Variants in CROT observed in about 807,000 individuals in gnomAD.
CROT encodes peroxisomal carnitine O-octanoyltransferase.
A neutral mutation model predicts 89.2 loss-of-function variants in CROT; 84 were observed. The ratio of observed to expected loss-of-function variants is 0.94; its 90% CI spans 0.79 to 1.13. The LOEUF (loss-of-function observed/expected upper bound fraction) is 1.13. Ranked by LOEUF, CROT falls within the 50% of genes most tolerant of loss-of-function variation. The pLI is 0.00. For missense variants in CROT, 711 were observed against 727.8 expected (o/e 0.98, Z 0.27); for synonymous variants, 212 against 239.5 (o/e 0.89, Z 1.06).
intron 13 of CROT, among the ~76,000 whole-genome samples, chr7:87,385,430 G>T (rs1229326924): frequency 1.3e-5 from 2 of 151,754 alleles, no homozygotes; most frequent in Non-Finnish European, 2.9e-5. Context: ...TGATTCCTAG[G>T]TATTTTATAT....
Position 87,372,939 on chromosome 7 carries a change from A to G in CROT, c.657-2693A>G, listed in dbSNP as rs1467095248. 2.0e-5 allele frequency among the ~76,000 whole-genome samples: 3 copies of G among 152,110 alleles called. No homozygotes were observed. The East Asian group carries it at 5.8e-4, about 29-fold the overall frequency. ...AATTATTCATAATGCTGCCGTGACTATTGTATACAGGTTTTCATGTAAACA... is the reference window on the plus strand; with the variant it reads ...AATTATTCATAATGCTGCCGTGACTGTTGTATACAGGTTTTCATGTAAACA... On this transcript the variant is annotated intron_variant, in intron 7 of 17. Coordinates refer to ENST00000331536, the MANE Select transcript of CROT (RefSeq NM_021151.4).
Position 87,398,699 on chromosome 7 carries a change from G to A in CROT, c.*55G>A. ...AACATATCATTAAACTGAGTGCTGG[G>A]AGTGAGTTGGTAATATGAGATGGGA... On this transcript the variant is annotated 3_prime_UTR_variant, in exon 18 of 18. Transcript: ENST00000331536. 6.5e-7 allele frequency: 1 copy of A among 1,547,700 alleles called. No homozygotes were observed.
chr7:87,397,486 G>T (rs1332752300), intron 17 of CROT, among the ~76,000 whole-genome samples: 1 of 152,178 alleles, frequency 6.6e-6, no homozygotes, highest in African/African-American at 2.4e-5. Context: ...TGTAGGAAAG[G>T]CTGTTCTTTA....
At chr7:87,380,493 C>G (rs1378343338) in intron 10 of CROT, among the ~76,000 whole-genome samples, 1 of 103,244 alleles carries the variant, frequency 9.7e-6, no homozygotes, top group Non-Finnish European at 2.3e-5. Flanking sequence ...AATTAGAAAG[C>G]AAAGTAACTT....
intron 3 of CROT, among the ~76,000 whole-genome samples, chr7:87,349,525 T>A (rs534951174): frequency 2.0e-4 from 31 of 152,260 alleles, no homozygotes; most frequent in South Asian, 2.1e-4. Context: ...AAGAAAACAA[T>A]CCTTGACATT....
intron 4 of CROT, chr7:87,360,068 A>T (rs1806222493): frequency 2.0e-6 from 2 of 975,846 alleles, no homozygotes; most frequent in South Asian, 4.7e-5. Context: ...CTTTGTTCTC[A>T]ATTTTGAGCC....
At chr7:87,365,671 G>A (rs1250444431) in intron 6 of CROT, among the ~76,000 whole-genome samples, 1 of 145,568 alleles carries the variant, frequency 6.9e-6, no homozygotes, top group African/African-American at 2.5e-5. Context: ...GCTGTGGTGT[G>A]ATCACAGCTC....
At chr7:87,354,012 C>T (rs112796991) in intron 3 of CROT, among the ~76,000 whole-genome samples, 6,193 of 152,236 alleles carry the variant, frequency 0.041, 178 homozygotes, top group Middle Eastern at 0.071. Context: ...TTTAATAAAT[C>T]CCAGCAATAA....
intron 12 of CROT, 46 bp from the exon 13 acceptor site, chr7:87,382,367 C>T (rs1213511387): frequency 6.3e-7 from 1 of 1,593,956 alleles, no homozygotes; most frequent in African/African-American, 1.3e-5. Flanking sequence ...TTGGTGTATT[C>T]TCCTTAGGTG....
chr7:87,387,503 T>A (rs1807219401), intron 13 of CROT, among the ~76,000 whole-genome samples: 1 of 151,750 alleles, frequency 6.6e-6, no homozygotes, highest in Non-Finnish European at 1.5e-5. Flanking sequence ...ATCATGGAGG[T>A]TAGGGGTCCC....
intron 13 of CROT, among the ~76,000 whole-genome samples, chr7:87,382,887 C>G (rs1807067271): frequency 6.6e-6 from 1 of 152,152 alleles, no homozygotes; most frequent in Non-Finnish European, 1.5e-5. Flanking sequence ...ATTATCCAGC[C>G]TTTACTCATT....
In CROT at chr7:87,369,437, T is replaced by C; in HGVS notation, c.609T>C (p.Phe203=). 1 of 1,613,548 alleles carries C rather than the reference T, an allele frequency of 6.2e-7. No homozygotes were observed. The highest frequency in any genetic ancestry group is 1.1e-5 in the South Asian group (1 of 91,030). Residue 203 remains phenylalanine (F), a synonymous_variant, in exon 7 of 18, where the codon TTT becomes TTC. Transcript: ENST00000331536. ...TGTGTCGAGGCCGAGCTTTTGTCTT[T>C]GATGTAATACATGAAGGATGTTTGG... ...VVLCRGRAFV[F]DVIHEGCLVT...
intron 13 of CROT, among the ~76,000 whole-genome samples, chr7:87,383,188 G>A (rs1197282223): frequency 6.6e-6 from 1 of 152,034 alleles, no homozygotes; most frequent in Non-Finnish European, 1.5e-5. Context: ...AACCTACTGT[G>A]CTATCGAACA....
Position 87,368,427 on chromosome 7 carries a change from T to C in CROT, c.548-949T>C, listed in dbSNP as rs191010033. 2.9e-4 allele frequency among the ~76,000 whole-genome samples: 44 copies of C among 152,268 alleles called. No individual in the cohort carries two copies. The East Asian group carries it at 5.2e-3, about 18-fold the overall frequency. ...AGAGGTAAAAGGATCTGGAGGTTTT[T>C]GAAGGGGAAGAAAGAAGAAATGGTT... On this transcript the variant is annotated intron_variant, in intron 6 of 17. Transcript: ENST00000331536.
rs779265292 is a variant in CROT, at chr7:87,392,579, A to C, written c.1439A>C (p.Gln480Pro). The change falls in exon 15 of 18, where the codon CAG becomes CCG. Residue 480 changes from glutamine to proline, a missense_variant. Physicochemically the swap from Gln to Pro is moderately conservative, Grantham distance 76. Coordinates refer to ENST00000331536, the MANE Select transcript of CROT (RefSeq NM_021151.4). ...QDPSVNLRER[Q>P]QKMLQAFAKH... is the part of the protein sequence containing the mutation. ...TTTTTAATACAGCTTCGTGAGCGGC[A>C]GCAAAAGATGTTACAAGCTTTTGCA... The C allele has an allele frequency of 4.3e-6, 7 of 1,613,346 alleles. No individual in the cohort carries two copies. Among genetic ancestry groups the C allele is most frequent in the African/African-American group, 1.3e-5 (1 of 75,002 alleles).
intron 3 of CROT, among the ~76,000 whole-genome samples, chr7:87,349,715 G>C (rs946351592): frequency 5.9e-5 from 9 of 152,288 alleles, no homozygotes; most frequent in African/African-American, 2.2e-4. Context: ...AACGTGCCTT[G>C]CTAGTCTCAA....
chr7:87,370,969 A>G (rs1419565855), intron 7 of CROT, among the ~76,000 whole-genome samples: 2 of 152,188 alleles, frequency 1.3e-5, no homozygotes, highest in Non-Finnish European at 2.9e-5. Context: ...TCTGGGTAAG[A>G]GTTCTTACTT....
At chr7:87,356,562 G>C (rs762331337) in intron 3 of CROT, among the ~76,000 whole-genome samples, 4 of 152,170 alleles carry the variant, frequency 2.6e-5, no homozygotes, top group African/African-American at 9.7e-5. Flanking sequence ...AGAAGACTCT[G>C]TTTAATTTCA....
intron 10 of CROT, among the ~76,000 whole-genome samples, chr7:87,381,349 G>T (rs896456210): frequency 5.9e-4 from 90 of 152,264 alleles, no homozygotes; most frequent in African/African-American, 2.1e-3. Context: ...ACCTGAAACA[G>T]CCCCGTAACA....
Sources: allele counts gnomAD v4.1 joint callset (sites outside exome capture counted in the v4.1 genomes callset), GRCh38; gene constraint gnomAD v4.1.1; transcripts MANE v1.5; gene names NCBI Gene and HGNC (gene_info 2026-07-23, HGNC 2026-07-21).